The following XPR1 variants were observed in gnomAD, a reference collection of about 807,000 sequenced individuals.
The protein encoded by XPR1 is solute carrier family 53 member 1.
Under a neutral mutation model 87.5 loss-of-function variants are expected in XPR1, and 28 were observed. The ratio of observed to expected loss-of-function variants is 0.32; its 90% CI spans 0.24 to 0.44. The LOEUF (loss-of-function observed/expected upper bound fraction) is 0.44. XPR1 is among the 20% of genes least tolerant of loss of function. The probability of loss-of-function intolerance (pLI) is 1.00; values close to 1 mark genes in which losing one functional copy is unlikely to be tolerated. For synonymous variants in XPR1, 300 were observed against 306.1 expected (o/e 0.98, Z 0.21); for missense variants, 559 against 862.3 (o/e 0.65, Z 4.41).
chr1:180,826,521 C>G (rs1178954678), intron 9 of XPR1, among the ~76,000 whole-genome samples: 1 of 152,080 alleles, frequency 6.6e-6, no homozygotes, highest in Non-Finnish European at 1.5e-5. Flanking sequence ...ACACTCCCAG[C>G]CTGGGCAACA....
At chr1:180,797,126 G>A (rs1326621009) in intron 3 of XPR1, among the ~76,000 whole-genome samples, 2 of 152,140 alleles carry the variant, frequency 1.3e-5, no homozygotes, top group African/African-American at 4.8e-5. Context: ...GAAAGTCAAT[G>A]AATTGCATGT....
At chr1:180,838,111 A>G (rs1651369113) in intron 11 of XPR1, among the ~76,000 whole-genome samples, 1 of 152,234 alleles carries the variant, frequency 6.6e-6, no homozygotes, top group African/African-American at 2.4e-5. Context: ...AGCCGTACTG[A>G]TAAAGTAAAT....
At chr1:180,632,696 G>T (rs1027306890) in intron 1 of XPR1, among the ~76,000 whole-genome samples, 1 of 152,232 alleles carries the variant, frequency 6.6e-6, no homozygotes, top group African/African-American at 2.4e-5. Context: ...GTTAGGTCTT[G>T]TTTCTCTCTC....
intron 2 of XPR1, among the ~76,000 whole-genome samples, chr1:180,728,708 C>A (rs144923924): frequency 6.6e-6 from 1 of 152,176 alleles, no homozygotes; most frequent in East Asian, 1.9e-4. Flanking sequence ...AGTTGACTTG[C>A]TCAGTATTCC....
chr1:180,662,526 T>C (rs1214705452), intron 1 of XPR1, among the ~76,000 whole-genome samples: 3 of 152,194 alleles, frequency 2.0e-5, no homozygotes, highest in Non-Finnish European at 4.4e-5. Flanking sequence ...GTTATTTGTT[T>C]CTTTTCTCTT....
intron 12 of XPR1, among the ~76,000 whole-genome samples, chr1:180,865,588 G>A (rs1018442708): frequency 2.0e-5 from 3 of 152,050 alleles, no homozygotes; most frequent in Non-Finnish European, 4.4e-5. Flanking sequence ...TTTTAGTAGA[G>A]ACGGGGTTTC....
intron 13 of XPR1, among the ~76,000 whole-genome samples, chr1:180,877,630 A>G (rs974532766): frequency 1.3e-5 from 2 of 152,160 alleles, no homozygotes; most frequent in Non-Finnish European, 2.9e-5. Flanking sequence ...ATGGTAATGT[A>G]TTTCATATTT....
intron 1 of XPR1, among the ~76,000 whole-genome samples, chr1:180,633,685 G>C (rs974246276): frequency 6.6e-6 from 1 of 152,156 alleles, no homozygotes; most frequent in African/African-American, 2.4e-5. Flanking sequence ...GCCATGTTTT[G>C]TAAGAATGAG....
intron 1 of XPR1, among the ~76,000 whole-genome samples, chr1:180,674,289 C>T (rs1200609126): frequency 1.3e-5 from 2 of 152,132 alleles, no homozygotes; most frequent in African/African-American, 2.4e-5. Flanking sequence ...GAGGGAGTCT[C>T]GCTGTGTTGC....
intron 2 of XPR1, among the ~76,000 whole-genome samples, chr1:180,722,739 C>T (rs1442369927): frequency 6.6e-6 from 1 of 152,134 alleles, no homozygotes; most frequent in Non-Finnish European, 1.5e-5. Flanking sequence ...ATACAGTTGT[C>T]TCTCTTGCTT....
At chr1:180,829,432 C>T (rs556621698) in intron 9 of XPR1, among the ~76,000 whole-genome samples, 3 of 152,216 alleles carry the variant, frequency 2.0e-5, no homozygotes, top group East Asian at 1.9e-4. Flanking sequence ...AATTCTCTCC[C>T]AGAAGGCGAT....
At chr1:180,809,643 T>C (rs1417952160) in intron 6 of XPR1, among the ~76,000 whole-genome samples, 1 of 151,938 alleles carries the variant, frequency 6.6e-6, no homozygotes, top group Non-Finnish European at 1.5e-5. Flanking sequence ...ATGGTAAAGC[T>C]AAAGAAAATG....
intron 2 of XPR1, among the ~76,000 whole-genome samples, chr1:180,758,476 G>A (rs1382952605): frequency 2.0e-5 from 3 of 152,128 alleles, no homozygotes; most frequent in Non-Finnish European, 4.4e-5. Flanking sequence ...GGGAGGCCGA[G>A]GTGGGTGGAT....
chr1:180,687,661 C>T (rs1284446327), intron 2 of XPR1, among the ~76,000 whole-genome samples: 3 of 152,076 alleles, frequency 2.0e-5, no homozygotes, highest in African/African-American at 7.2e-5. Flanking sequence ...AACAAATAAA[C>T]ACATTCAAAT....
At chr1:180,746,973 T>C (rs1457891309) in intron 2 of XPR1, among the ~76,000 whole-genome samples, 1 of 152,196 alleles carries the variant, frequency 6.6e-6, no homozygotes, top group Non-Finnish European at 1.5e-5. Context: ...TAAAATCCTC[T>C]TTGTGATTTT....
intron 6 of XPR1, among the ~76,000 whole-genome samples, chr1:180,809,150 GA>G (rs1650114023): frequency 6.6e-6 from 1 of 151,274 alleles, no homozygotes; most frequent in Non-Finnish European, 1.5e-5. Flanking sequence ...AGAGAAAGCA[GA>G]AAAAAAAGGT....
chr1:180,637,560 T>C (rs1355340381), intron 1 of XPR1, among the ~76,000 whole-genome samples: 3 of 152,206 alleles, frequency 2.0e-5, no homozygotes, highest in African/African-American at 7.2e-5. Context: ...CTAATTCTTT[T>C]TTCTTTTTCC....
rs756971131 is a variant in XPR1 at position 180,865,403 on chromosome 1, CT to C, written c.1668+1544del. Among the ~76,000 whole-genome samples, 845 of 140,482 alleles carry C rather than the reference CT, an allele frequency of 6.0e-3. 2 individuals are homozygous for C. Among genetic ancestry groups the C allele is most frequent in the African/African-American group, 0.015 (587 of 38,604 alleles). The allele number at this position is 140,482 out of a possible 152,430, so 92.2% of individuals were successfully genotyped here. On this transcript the variant is annotated intron_variant, in intron 12 of 14. Coordinates refer to ENST00000367590, the MANE Select transcript of XPR1 (RefSeq NM_004736.4). ...TCTGAGAGCTATAAAACATTTGTTTCTTTTTTTTTTTTTTTGAGACAGAGTC... is the reference window on the plus strand; with the variant it reads ...TCTGAGAGCTATAAAACATTTGTTTCTTTTTTTTTTTTTTGAGACAGAGTC...
chr1:180,845,298 A>C (rs1651639723), intron 11 of XPR1, among the ~76,000 whole-genome samples: 1 of 152,210 alleles, frequency 6.6e-6, no homozygotes, highest in African/African-American at 2.4e-5. Flanking sequence ...TTGACCTAGT[A>C]AGTACCTTTC....
Sources: allele counts gnomAD v4.1 joint callset (sites outside exome capture counted in the v4.1 genomes callset), GRCh38; gene constraint gnomAD v4.1.1; transcripts MANE v1.5; gene names NCBI Gene and HGNC (gene_info 2026-07-23, HGNC 2026-07-21).